EPC2: variants seen among roughly 807,000 people sequenced by gnomAD.
EPC2 encodes enhancer of polycomb 2.
Under a neutral mutation model 92.1 loss-of-function variants are expected in EPC2, and 14 were observed. The ratio of observed to expected loss-of-function variants is 0.15; its 90% confidence interval spans 0.10 to 0.24. The LOEUF is 0.24. EPC2 is among the 10% of genes least tolerant of loss of function. The probability of loss-of-function intolerance (pLI) is 1.00; values close to 1 mark genes in which losing one functional copy is unlikely to be tolerated. For missense variants in EPC2, 755 were observed against 971.5 expected (o/e 0.78, Z 2.96); for synonymous variants, 340 against 334.7 (o/e 1.02, Z -0.17).
chr2:148,757,357 C>T (rs1228832626), intron 4 of EPC2, among the ~76,000 whole-genome samples: 1 of 152,094 alleles, frequency 6.6e-6, no homozygotes, highest in African/African-American at 2.4e-5. Context: ...GCCTGGGTGA[C>T]AGTGCGAGAC....
At chr2:148,652,279 A>G (rs1680703619) in intron 1 of EPC2, among the ~76,000 whole-genome samples, 1 of 152,200 alleles carries the variant, frequency 6.6e-6, no homozygotes. Context: ...GTGTTAAATC[A>G]TTTTAATCCA....
At chr2:148,764,824 T>A in intron 6 of EPC2, 131 bp from the exon 7 acceptor site, 2 of 565,170 alleles carry the variant, frequency 3.5e-6, no homozygotes, top group Non-Finnish European at 5.5e-6. Context: ...AGAATAATTT[T>A]TGCGTATTAA....
chr2:148,739,206 C>T (rs1330913837), intron 2 of EPC2, among the ~76,000 whole-genome samples: 1 of 152,134 alleles, frequency 6.6e-6, no homozygotes, highest in Non-Finnish European at 1.5e-5. Flanking sequence ...AATGTCTCCC[C>T]TAAACAGTTC....
chr2:148,772,494 A>G (rs1683545967), intron 10 of EPC2, among the ~76,000 whole-genome samples: 1 of 152,156 alleles, frequency 6.6e-6, no homozygotes, highest in South Asian at 2.1e-4. Flanking sequence ...TTAGCTTGAA[A>G]TTTGGTCTCA....
intron 1 of EPC2, among the ~76,000 whole-genome samples, chr2:148,662,642 G>A (rs1037771273): frequency 1.1e-4 from 17 of 151,682 alleles, no homozygotes; most frequent in African/African-American, 3.9e-4. Context: ...ACAGGAAGGG[G>A]ACCATAACAC....
At chr2:148,697,364 A>G (rs1428466799) in intron 2 of EPC2, among the ~76,000 whole-genome samples, 2 of 151,590 alleles carry the variant, frequency 1.3e-5, no homozygotes, top group East Asian at 1.9e-4. Context: ...TTGCTTGCTG[A>G]TAGAAAAGGC....
intron 3 of EPC2, among the ~76,000 whole-genome samples, chr2:148,746,497 G>T (rs1171243670): frequency 6.6e-6 from 1 of 152,122 alleles, no homozygotes; most frequent in African/African-American, 2.4e-5. Flanking sequence ...ACAAACCCAT[G>T]AATTGAATGT....
chr2:148,769,229 C>A lies in EPC2; in HGVS notation c.1219C>A (p.Gln407Lys), dbSNP rs763216700. The A allele has an allele frequency of 2.2e-5, 36 of 1,608,866 alleles. No homozygotes were observed. The South Asian group carries it at 4.0e-4, about 18-fold the overall frequency. The change falls in exon 8 of 14, where the codon CAG becomes AAG. Residue 407 changes from glutamine (Q) to lysine (K), a missense_variant. By Grantham distance (53) the Gln-to-Lys change is moderately conservative. Coordinates refer to ENST00000258484, the MANE Select transcript of EPC2 (RefSeq NM_015630.4). Reference sequence around the variant, plus strand: ...TGCTTTCAGAAGGCGGGCAGGATGCCAGTATTATGCTGTAAGAACTTTTGT... The same window carrying A: ...TGCTTTCAGAAGGCGGGCAGGATGCAAGTATTATGCTGTAAGAACTTTTGT... ...PCAFRRRAGC[Q>K]YYAPRLDQAN... is the part of the protein sequence containing the mutation.
chr2:148,658,563 A>G (rs1263794964), intron 1 of EPC2, among the ~76,000 whole-genome samples: 4 of 151,162 alleles, frequency 2.6e-5, no homozygotes, highest in African/African-American at 9.7e-5. Flanking sequence ...CGAATTTGCA[A>G]ATAGGGAATT....
At chr2:148,709,400 G>T (rs1180610661) in intron 2 of EPC2, among the ~76,000 whole-genome samples, 1 of 152,158 alleles carries the variant, frequency 6.6e-6, no homozygotes, top group Non-Finnish European at 1.5e-5. Context: ...AATCAATATC[G>T]TAAAAATGGC....
chr2:148,668,165 G>A (rs1238369162), intron 1 of EPC2, among the ~76,000 whole-genome samples: 4 of 152,076 alleles, frequency 2.6e-5, no homozygotes, highest in African/African-American at 4.8e-5. Flanking sequence ...CCAAAGTGCT[G>A]GGATTAAAGG....
At chr2:148,725,381 CCTCT>C (rs1486366882) in intron 2 of EPC2, among the ~76,000 whole-genome samples, 1 of 151,924 alleles carries the variant, frequency 6.6e-6, no homozygotes, top group Non-Finnish European at 1.5e-5. Context: ...TCTCTGTCAG[CCTCT>C]CTTTCTCCTC....
chr2:148,778,846 CAT>C (rs948923202), intron 10 of EPC2, among the ~76,000 whole-genome samples: 5 of 151,910 alleles, frequency 3.3e-5, no homozygotes, highest in East Asian at 1.9e-4. Flanking sequence ...ATGGATATAA[CAT>C]ATTGAGATTG....
intron 2 of EPC2, among the ~76,000 whole-genome samples, chr2:148,709,833 T>C (rs895505831): frequency 1.3e-5 from 2 of 152,198 alleles, no homozygotes; most frequent in African/African-American, 4.8e-5. Context: ...TTACATCTTA[T>C]ACAAAAGTTA....
chr2:148,665,036 C>G (rs1681031420), intron 1 of EPC2, among the ~76,000 whole-genome samples: 1 of 152,152 alleles, frequency 6.6e-6, no homozygotes, highest in Non-Finnish European at 1.5e-5. Flanking sequence ...CATAAAGATA[C>G]TTTGAGACAT....
At chr2:148,726,793 T>C (rs1162748793) in intron 2 of EPC2, among the ~76,000 whole-genome samples, 1 of 150,862 alleles carries the variant, frequency 6.6e-6, no homozygotes, top group Non-Finnish European at 1.5e-5. Context: ...TTTTTTTGTT[T>C]TTGAGTTTTA....
intron 7 of EPC2, among the ~76,000 whole-genome samples, chr2:148,766,410 G>A (rs1459924002): frequency 6.6e-6 from 1 of 152,140 alleles, no homozygotes; most frequent in African/African-American, 2.4e-5. Flanking sequence ...CATATGAATA[G>A]TATCAAATGT....
At chr2:148,698,244 A>G (rs557032039) in intron 2 of EPC2, among the ~76,000 whole-genome samples, 1 of 152,094 alleles carries the variant, frequency 6.6e-6, no homozygotes, top group Non-Finnish European at 1.5e-5. Context: ...TAAATACGCA[A>G]TCTTCCCTCC....
chr2:148,777,026 A>AT (rs1331964987), intron 10 of EPC2, among the ~76,000 whole-genome samples: 1 of 151,766 alleles, frequency 6.6e-6, no homozygotes, highest in Non-Finnish European at 1.5e-5. Flanking sequence ...CACCCAGCTA[A>AT]TTTTTTTATT....
Sources: gnomAD v4.1 joint callset for allele counts (sites outside exome capture counted in the v4.1 genomes callset) on GRCh38, gnomAD v4.1.1 for gene constraint, MANE v1.5 for transcripts, NCBI Gene and HGNC (gene_info 2026-07-23, HGNC 2026-07-21) for gene names.